Variants in CSMD1 observed in about 807,000 individuals in gnomAD.
The protein encoded by CSMD1 is CUB and Sushi multiple domains 1.
CSMD1 carries 213 observed loss-of-function variants against 417.5 expected under a neutral mutation model. The observed-to-expected ratio is 0.51, with a 90% CI of 0.46 to 0.57. CSMD1 has a LOEUF of 0.57. Among genes scored for constraint, CSMD1 ranks in the 20% least tolerant of loss-of-function variants. The probability of loss-of-function intolerance (pLI) is 0.00; values close to 1 mark genes in which losing one functional copy is unlikely to be tolerated. For missense variants in CSMD1, 6,923 were observed against 4,529.7 expected, an observed-to-expected ratio of 1.53 and a Z score of -15.17; for synonymous variants, 2,862 against 1,736.8, an observed-to-expected ratio of 1.65 and a Z score of -16.11.
Position 4,878,081 on chromosome 8 carries a change from G to T in CSMD1, c.85+116251C>A, listed in dbSNP as rs147548200. 2.2e-3 allele frequency among the ~76,000 whole-genome samples: 336 copies of T among 152,196 alleles called. 1 individual carries two copies. The highest frequency in any genetic ancestry group is 7.7e-3 in the African/African-American group (320 of 41,474). ...AGAATCTCTGTAAAATGATGCCATT[G>T]TCTGAGTATGTGACCAGTAACCCTC... On this transcript the variant is annotated intron_variant, in intron 1 of 69. Coordinates refer to ENST00000635120, the MANE Select transcript of CSMD1 (RefSeq NM_033225.6).
At position 3,881,334 on chromosome 8, in the gene CSMD1, A is replaced by C. The variant is rs549837907; in HGVS notation, c.818+116569T>G. Among the ~76,000 whole-genome samples, 3 of 151,408 alleles carry C rather than the reference A, an allele frequency of 2.0e-5. 1 individual carries two copies. Among genetic ancestry groups the C allele is most frequent in the Admixed American group, 2.0e-4 (3 of 15,198 alleles). ...GAAGCAAAGAAGACTGAATATATAG[A>C]TATATAAAAAGCAAGTTGGGGCCGG... is the stretch of plus-strand genomic sequence containing the variant. On this transcript the variant is annotated intron_variant, in intron 5 of 69. Coordinates refer to ENST00000635120, the MANE Select transcript of CSMD1 (RefSeq NM_033225.6).
chr8:3,345,080 G>A (rs1049156428), intron 22 of CSMD1, among the ~76,000 whole-genome samples: 6 of 152,218 alleles, frequency 3.9e-5, no homozygotes, highest in Non-Finnish European at 5.9e-5. Context: ...GTATACCATG[G>A]AATTGTCTGT....
intron 6 of CSMD1, among the ~76,000 whole-genome samples, chr8:3,746,061 G>C (rs767063145): frequency 2.0e-5 from 3 of 151,454 alleles, no homozygotes; most frequent in African/African-American, 7.4e-5. Context: ...ACCTACAAGA[G>C]GTACACACGG....
At chr8:4,700,901 C>T (rs1349630173) in intron 1 of CSMD1, among the ~76,000 whole-genome samples, 1 of 152,050 alleles carries the variant, frequency 6.6e-6, no homozygotes, top group Non-Finnish European at 1.5e-5. Flanking sequence ...GAGAACAAAA[C>T]CAGAAGATTT....
intron 3 of CSMD1, among the ~76,000 whole-genome samples, chr8:4,185,189 A>T: frequency 6.6e-6 from 1 of 151,596 alleles, no homozygotes; most frequent in South Asian, 2.1e-4. Flanking sequence ...CCAAAAAGAA[A>T]CACAAAAATG....
At chr8:4,440,182 T>G (rs937110432) in intron 2 of CSMD1, among the ~76,000 whole-genome samples, 1 of 152,226 alleles carries the variant, frequency 6.6e-6, no homozygotes, top group Non-Finnish European at 1.5e-5. Context: ...ATTAATAATG[T>G]AGAAATCTTT....
chr8:3,260,492 G>C (rs902630400), intron 26 of CSMD1, among the ~76,000 whole-genome samples: 9 of 151,982 alleles, frequency 5.9e-5, no homozygotes, highest in African/African-American at 2.2e-4. Flanking sequence ...ATACAAGAAC[G>C]TTCCACCTAA....
rs137928782 is a variant in CSMD1, at chr8:3,505,624, T to C, written c.1345-11898A>G. ...ACCCAGAAGAACAAGCAGATTATAT[T>C]TGAGGAAATACAAATCAAAGTTAGT... On this transcript the variant is annotated intron_variant, in intron 10 of 69. Coordinates refer to ENST00000635120, the MANE Select transcript of CSMD1 (RefSeq NM_033225.6). Among the ~76,000 whole-genome samples, 195 of 152,270 alleles carry C rather than the reference T, an allele frequency of 1.3e-3. 1 individual carries two copies. The highest frequency in any genetic ancestry group is 4.5e-3 in the African/African-American group (189 of 41,544).
chr8:3,507,746 T>A (rs1796889809), intron 10 of CSMD1, among the ~76,000 whole-genome samples: 1 of 152,262 alleles, frequency 6.6e-6, no homozygotes, highest in South Asian at 2.1e-4. Flanking sequence ...TGCATTTCTC[T>A]GATGGCCAGT....
At chr8:2,940,337 CAT>C (rs1020900247) in intron 69 of CSMD1, among the ~76,000 whole-genome samples, 16 of 152,296 alleles carry the variant, frequency 1.1e-4, no homozygotes, top group African/African-American at 3.8e-4. Context: ...ACAGTGGCCT[CAT>C]AGCCGTCCTC....
intron 5 of CSMD1, among the ~76,000 whole-genome samples, chr8:3,806,376 T>C (rs1434663039): frequency 6.6e-6 from 1 of 152,204 alleles, no homozygotes; most frequent in Non-Finnish European, 1.5e-5. Context: ...AATATGCCCC[T>C]GAAGCCTGTG....
At chr8:4,687,271 A>G (rs913086034) in intron 1 of CSMD1, among the ~76,000 whole-genome samples, 3 of 152,226 alleles carry the variant, frequency 2.0e-5, no homozygotes, top group Non-Finnish European at 4.4e-5. Flanking sequence ...CAGATGAAGG[A>G]GGACAAGGAG....
chr8:3,973,017 T>C (rs1277258131), intron 5 of CSMD1, among the ~76,000 whole-genome samples: 1 of 152,266 alleles, frequency 6.6e-6, no homozygotes, highest in Non-Finnish European at 1.5e-5. Context: ...TATTTTTCTC[T>C]TCTAACAGTG....
intron 3 of CSMD1, among the ~76,000 whole-genome samples, chr8:4,183,156 T>A (rs1798472574): frequency 6.6e-6 from 1 of 152,096 alleles, no homozygotes; most frequent in Admixed American, 6.6e-5. Context: ...AGTTAATTAA[T>A]GCGTAAGTGC....
intron 27 of CSMD1, among the ~76,000 whole-genome samples, chr8:3,227,325 C>G (rs375440803): frequency 7.9e-4 from 1 of 1,264 alleles, no homozygotes; most frequent in Non-Finnish European, 1.3e-3. Flanking sequence ...CACTGGAACA[C>G]GGAAGGAGGT....
At chr8:4,819,693 A>T (rs1343697351) in intron 1 of CSMD1, among the ~76,000 whole-genome samples, 1 of 152,122 alleles carries the variant, frequency 6.6e-6, no homozygotes, top group Non-Finnish European at 1.5e-5. Flanking sequence ...ATTCTGTCCC[A>T]GTGTTTCTAC....
At chr8:2,999,593 C>A (rs982812479) in intron 53 of CSMD1, among the ~76,000 whole-genome samples, 1 of 152,128 alleles carries the variant, frequency 6.6e-6, no homozygotes, top group Non-Finnish European at 1.5e-5. Context: ...CCCAGCAGAC[C>A]CAGACTCTGC....
At chr8:3,629,045 C>T (rs967131103) in intron 7 of CSMD1, among the ~76,000 whole-genome samples, 2 of 152,012 alleles carry the variant, frequency 1.3e-5, no homozygotes, top group Non-Finnish European at 2.9e-5. Context: ...GAATTCCAAG[C>T]CTTGGGGAAC....
At chr8:4,250,286 C>T (rs1802977707) in intron 3 of CSMD1, among the ~76,000 whole-genome samples, 1 of 152,156 alleles carries the variant, frequency 6.6e-6, no homozygotes, top group Non-Finnish European at 1.5e-5. Context: ...ATAAATAGCC[C>T]AGCTCAGCTT....
Sources: gnomAD v4.1 joint callset for allele counts (sites outside exome capture counted in the v4.1 genomes callset) on GRCh38, gnomAD v4.1.1 for gene constraint, MANE v1.5 for transcripts, NCBI Gene and HGNC (gene_info 2026-07-23, HGNC 2026-07-21) for gene names.